Variants in NAAA observed in about 807,000 individuals in gnomAD.
The protein encoded by NAAA is N-acylethanolamine-hydrolyzing acid amidase.
Under a neutral mutation model 44.8 loss-of-function variants are expected in NAAA, and 39 were observed. The ratio of observed to expected loss-of-function variants is 0.87; its 90% CI spans 0.67 to 1.14. The LOEUF (loss-of-function observed/expected upper bound fraction) is 1.14. Among genes scored for constraint, NAAA ranks in the 50% most tolerant of loss-of-function variants. The pLI is 0.00. For synonymous variants in NAAA, 178 were observed against 191.3 expected (o/e 0.93, Z 0.58); for missense variants, 460 against 467.8 (o/e 0.98, Z 0.15).
chr4:75,927,633 GCCCCCC>G (rs60371960), intron 4 of NAAA, among the ~76,000 whole-genome samples: 2 of 95,820 alleles, frequency 2.1e-5, no homozygotes, highest in African/African-American at 8.0e-5. Context: ...AATTTTTAAT[GCCCCCC>G]CCCCCCCCGC....
chr4:75,926,560 C>CA (rs56212846), intron 4 of NAAA, among the ~76,000 whole-genome samples: 2,983 of 70,034 alleles, frequency 0.043, 161 homozygotes, highest in African/African-American at 0.1. Flanking sequence ...GACTCTGTCT[C>CA]AAAAAAAAAA....
Position 75,927,094 on chromosome 4 carries a change from A to C in NAAA, c.590-1283T>G, listed in dbSNP as rs377581544. Among the ~76,000 whole-genome samples, 7 of 152,200 alleles carry C rather than the reference A, an allele frequency of 4.6e-5. No homozygotes were observed. In the East Asian group the frequency reaches 9.6e-4, roughly 21 times the overall value. ...CAGTAAGCACATGAAAAGATATTCC[A>C]TATCATTAATCATTAGAGAAATGCA... On this transcript the variant is annotated intron_variant, in intron 4 of 10. Transcript: ENST00000286733.
At chr4:75,931,083 T>C (rs1727186302) in intron 4 of NAAA, 131 bp downstream of exon 4, 1 of 653,440 alleles carries the variant, frequency 1.5e-6, no homozygotes. Flanking sequence ...CTGTCCACTT[T>C]CTCCCCCTAG....
At chr4:75,920,042 T>C in intron 7 of NAAA, 67 bp from the exon 8 acceptor site, 1 of 1,403,116 alleles carries the variant, frequency 7.1e-7, no homozygotes, top group South Asian at 1.2e-5. Flanking sequence ...AGCTGTCATT[T>C]TTGGGAGGCA....
At chr4:75,937,569 G>A (rs753089727) in intron 2 of NAAA, among the ~76,000 whole-genome samples, 3 of 152,152 alleles carry the variant, frequency 2.0e-5, no homozygotes, top group Non-Finnish European at 2.9e-5. Context: ...CACTGCAGCC[G>A]TGACTTCCCG....
rs1288335615 is a variant in NAAA at position 75,914,254 on chromosome 4, T to C, written c.*121A>G. On this transcript the variant is annotated 3_prime_UTR_variant, in exon 11 of 11. Coordinates refer to ENST00000286733, the MANE Select transcript of NAAA (RefSeq NM_014435.4). ...AAGTTAAATGAGGAAGGAGCCTGCA[T>C]TGTTTGTAACATAATACAATACTTT... is the stretch of plus-strand genomic sequence containing the variant. 2 of 985,702 alleles carry C rather than the reference T, an allele frequency of 2.0e-6. No individual in the cohort carries two copies. The highest frequency in any genetic ancestry group is 1.7e-5 in the African/African-American group (1 of 57,244). 61.1% of individuals were successfully genotyped at this position (985,702 alleles called of 1,614,324 possible). A position where few individuals can be genotyped will look rare whatever the true frequency, so the allele number is the denominator to read the frequency against.
intron 5 of NAAA, 119 bp downstream of exon 5, chr4:75,925,616 A>G: frequency 1.1e-6 from 1 of 920,724 alleles, no homozygotes; most frequent in Non-Finnish European, 1.7e-6. Context: ...CTTTGCAGAC[A>G]TTTAGATGCT....
At chr4:75,926,222 T>C (rs1035981099) in intron 4 of NAAA, among the ~76,000 whole-genome samples, 16 of 151,866 alleles carry the variant, frequency 1.1e-4, no homozygotes, top group Non-Finnish European at 2.4e-4. Context: ...AAGAAAAAAA[T>C]GGACAAATTG....
chr4:75,913,548 T>A, downstream of NAAA: 1 of 464,526 alleles, frequency 2.2e-6, no homozygotes, highest in Non-Finnish European at 2.8e-6. Context: ...TTCATTCCCT[T>A]GAATGCTGAC....
At chr4:75,931,113 T>C in intron 4 of NAAA, 101 bp downstream of exon 4, 1 of 850,642 alleles carries the variant, frequency 1.2e-6, no homozygotes, top group Admixed American at 2.2e-5. Flanking sequence ...CCCTGCCACA[T>C]AGTGGGTGTT....
At chr4:75,932,235 T>C (rs1014792322) in intron 3 of NAAA, among the ~76,000 whole-genome samples, 5 of 151,982 alleles carry the variant, frequency 3.3e-5, no homozygotes, top group Non-Finnish European at 7.4e-5. Flanking sequence ...GTCTCAAAAA[T>C]AAAATAAAAT....
intron 5 of NAAA, among the ~76,000 whole-genome samples, chr4:75,922,092 T>C (rs962430997): frequency 5.9e-5 from 9 of 152,140 alleles, no homozygotes; most frequent in Non-Finnish European, 1.3e-4. Flanking sequence ...CAGGGCACAT[T>C]GTCAAGGGTG....
At chr4:75,911,026 G>C (rs1012711509), downstream of NAAA, among the ~76,000 whole-genome samples, 16 of 152,146 alleles carry the variant, frequency 1.1e-4, no homozygotes, top group African/African-American at 3.1e-4. Flanking sequence ...CAAGGGCGGA[G>C]AGGATATTAC....
chr4:75,934,401 C>T (rs530362828), intron 3 of NAAA, among the ~76,000 whole-genome samples: 6 of 151,784 alleles, frequency 4.0e-5, no homozygotes, highest in East Asian at 3.9e-4. Context: ...CTGCAACCTC[C>T]GCCTCCCAGG....
rs549280517 is a variant in NAAA at position 75,922,550 on chromosome 4, A to G, written c.667-1427T>C. Among the ~76,000 whole-genome samples, 6 of 152,344 alleles carry G rather than the reference A, an allele frequency of 3.9e-5. 1 individual carries two copies. Among genetic ancestry groups the G allele is most frequent in the African/African-American group, 1.4e-4 (6 of 41,586 alleles). On this transcript the variant is annotated intron_variant, in intron 5 of 10. Transcript: ENST00000286733. The stretch of plus-strand genomic sequence containing the variant: ...GCTGGGTTTCCCCACTCCATCTATT[A>G]GCACTGGATCTACCTTTTTGTTCAA...
rs753151706 is a variant in NAAA at position 75,931,270 on chromosome 4, A to T, written c.533T>A (p.Val178Glu). The T allele has an allele frequency of 6.2e-7, 1 of 1,612,386 alleles. No homozygotes were observed. Among genetic ancestry groups the T allele is most frequent in the Non-Finnish European group, 8.5e-7 (1 of 1,178,598 alleles). ...AFTGTTFIGY[V>E]GLWTGQSPHK... ...TGGGCTCTGGCCAGTCCATAATCCT[A>T]CATAGCCAATAAAAGTAGTTCCTGT... is the stretch of plus-strand genomic sequence containing the variant. Residue 178 changes from valine (V) to glutamate (E), a missense_variant, in exon 4 of 11, where the codon GTA (valine) becomes GAA (glutamate). By Grantham distance (121) the Val-to-Glu change is moderately radical. Transcript: ENST00000286733.
downstream of NAAA, among the ~76,000 whole-genome samples, chr4:75,911,942 T>C (rs998532638): frequency 6.6e-6 from 1 of 152,206 alleles, no homozygotes; most frequent in African/African-American, 2.4e-5. Context: ...AGTTAAACTC[T>C]AAACTAAATT....
At chr4:75,937,244 C>A (rs1049243143) in intron 2 of NAAA, among the ~76,000 whole-genome samples, 2 of 151,982 alleles carry the variant, frequency 1.3e-5, no homozygotes, top group Non-Finnish European at 2.9e-5. Flanking sequence ...CATAGTGAAA[C>A]CTCATCTCTA....
At chr4:75,932,581 C>T (rs1007564765) in intron 3 of NAAA, among the ~76,000 whole-genome samples, 1 of 152,106 alleles carries the variant, frequency 6.6e-6, no homozygotes, top group East Asian at 1.9e-4. Context: ...CTCCTGGGCT[C>T]AAGCAATCCT....
Sources: gnomAD v4.1 joint callset for allele counts (sites outside exome capture counted in the v4.1 genomes callset) on GRCh38, gnomAD v4.1.1 for gene constraint, MANE v1.5 for transcripts, NCBI Gene and HGNC (gene_info 2026-07-23, HGNC 2026-07-21) for gene names.